VTI1A: variants seen among roughly 807,000 people sequenced by gnomAD.
The protein encoded by VTI1A is vesicle transport through interaction with t-SNAREs 1A.
VTI1A carries 22 observed loss-of-function variants against 34.9 expected under a neutral mutation model. The observed-to-expected ratio is 0.63, with a 90% CI of 0.45 to 0.90. The LOEUF is 0.90. VTI1A is among the 40% of genes least tolerant of loss of function. The pLI, the probability that VTI1A is intolerant of heterozygous loss-of-function variation, is 0.00. For synonymous variants in VTI1A, 87 were observed against 97.3 expected (o/e 0.89, Z 0.62); for missense variants, 268 against 275.6 (o/e 0.97, Z 0.20).
chr10:112,502,775 G>A (rs1007212275), intron 3 of VTI1A, among the ~76,000 whole-genome samples: 2 of 152,208 alleles, frequency 1.3e-5, no homozygotes, highest in African/African-American at 4.8e-5. Flanking sequence ...TTTCAAGAAA[G>A]TGTAAACTCT....
At position 112,815,872 on chromosome 10, in the gene VTI1A, G is replaced by A. The variant is rs558123264; in HGVS notation, c.*489G>A. On this transcript the variant is annotated 3_prime_UTR_variant, in exon 8 of 8. Transcript: ENST00000393077. ...GCAAGCCAGCCCTGTTCCTACACAG[G>A]CCTCATGAATATAGTCATCAACCTG... 9.3e-5 allele frequency: 22 copies of A among 235,320 alleles called. No individual in the cohort carries two copies. The East Asian group carries it at 1.3e-3, about 14-fold the overall frequency. 14.6% of individuals were successfully genotyped at this position (235,320 alleles called of 1,614,324 possible). A position where few individuals can be genotyped will look rare whatever the true frequency, so the allele number is the denominator to read the frequency against.
intron 7 of VTI1A, among the ~76,000 whole-genome samples, chr10:112,732,911 T>A (rs58001341): frequency 0.078 from 11,807 of 152,156 alleles, 1,146 homozygotes; most frequent in African/African-American, 0.23. Flanking sequence ...TCAGCCAGAG[T>A]TGACACAGTA....
At chr10:112,643,730 C>G (rs1846669493) in intron 5 of VTI1A, among the ~76,000 whole-genome samples, 1 of 152,170 alleles carries the variant, frequency 6.6e-6, no homozygotes. Context: ...GACAAAAACT[C>G]TTTGCTTATT....
At chr10:112,481,498 G>A (rs895013537) in intron 3 of VTI1A, among the ~76,000 whole-genome samples, 2 of 152,170 alleles carry the variant, frequency 1.3e-5, no homozygotes, top group African/African-American at 4.8e-5. Flanking sequence ...TTGGAAATAG[G>A]TATATTAACT....
chr10:112,744,708 G>A lies in VTI1A; in HGVS notation c.561-70582G>A, dbSNP rs201439512. ...AATCCTCCCACCTCCGCCTCCCAAA[G>A]TGCTGGGATTACAGGCATGAGCCAA... On this transcript the variant is annotated intron_variant, in intron 7 of 7. Coordinates refer to ENST00000393077, the MANE Select transcript of VTI1A (RefSeq NM_145206.4). Among the ~76,000 whole-genome samples, 5 of 152,128 alleles carry A rather than the reference G, an allele frequency of 3.3e-5. No homozygotes were observed. In the East Asian group the frequency reaches 9.6e-4, roughly 29 times the overall value.
intron 7 of VTI1A, among the ~76,000 whole-genome samples, chr10:112,723,098 T>C (rs1849869391): frequency 6.6e-6 from 1 of 152,174 alleles, no homozygotes; most frequent in African/African-American, 2.4e-5. Context: ...ATAATAATAG[T>C]AGTTACAAAG....
rs954613883 is a variant in VTI1A at position 112,564,925 on chromosome 10, T to C, written c.427+26595T>C. On this transcript the variant is annotated intron_variant, in intron 5 of 7. Coordinates refer to ENST00000393077, the MANE Select transcript of VTI1A (RefSeq NM_145206.4). The stretch of plus-strand genomic sequence containing the variant: ...TTTTAGGAGATGGGCTAGCTTAAAA[T>C]TTCAAATATACATATACTTACATGT... Among the ~76,000 whole-genome samples the C allele has an allele frequency of 3.9e-5, 6 of 152,246 alleles. No individual in the cohort carries two copies. In the South Asian group the frequency reaches 6.2e-4, roughly 16 times the overall value.
chr10:112,515,554 A>G (rs948165663), intron 3 of VTI1A, among the ~76,000 whole-genome samples: 2 of 152,010 alleles, frequency 1.3e-5, no homozygotes, highest in African/African-American at 2.4e-5. Flanking sequence ...GCCAGAATCA[A>G]TTTAGGCCTA....
At chr10:112,559,501 T>C (rs1190619235) in intron 5 of VTI1A, among the ~76,000 whole-genome samples, 1 of 152,088 alleles carries the variant, frequency 6.6e-6, no homozygotes, top group Non-Finnish European at 1.5e-5. Context: ...TTTTGTTCTT[T>C]ACATCTGAAG....
the VTI1A span, among the ~76,000 whole-genome samples, chr10:112,838,051 T>C: frequency 6.6e-6 from 1 of 152,214 alleles, no homozygotes; most frequent in Non-Finnish European, 1.5e-5. Context: ...CATGGCACTA[T>C]TCAGGACCGA....
chr10:112,593,785 G>A (rs1211138339), intron 5 of VTI1A, among the ~76,000 whole-genome samples: 1 of 151,994 alleles, frequency 6.6e-6, no homozygotes, highest in Admixed American at 6.6e-5. Context: ...CACTCAGGCT[G>A]GAGTGCAGCG....
chr10:112,490,611 AT>A (rs10694500), intron 3 of VTI1A, among the ~76,000 whole-genome samples: 2,000 of 143,126 alleles, frequency 0.014, 18 homozygotes, highest in African/African-American at 0.022. Flanking sequence ...AGATGCTACA[AT>A]TTTTTTTTTT....
chr10:112,842,050 C>CTTTTTTTTTTTTTTT, the VTI1A span, among the ~76,000 whole-genome samples: 17 of 93,162 alleles, frequency 1.8e-4, no homozygotes, highest in Non-Finnish European at 2.7e-4. Context: ...TTTTTTTTTT[C>CTTTTTTTTTTTTTTT]CTTTTTTTTT....
the VTI1A span, among the ~76,000 whole-genome samples, chr10:112,840,957 C>T: frequency 1.3e-5 from 2 of 152,218 alleles, no homozygotes; most frequent in East Asian, 1.9e-4. Flanking sequence ...ATGCTTAGCA[C>T]GACACCTGCC....
chr10:112,495,580 C>T (rs1015703275), intron 3 of VTI1A, among the ~76,000 whole-genome samples: 8 of 152,208 alleles, frequency 5.3e-5, no homozygotes, highest in African/African-American at 1.9e-4. Context: ...ATTTGAGATA[C>T]TTCAGATACA....
chr10:112,536,671 T>G (rs920488710), intron 4 of VTI1A, among the ~76,000 whole-genome samples: 3 of 152,088 alleles, frequency 2.0e-5, no homozygotes, highest in Non-Finnish European at 4.4e-5. Flanking sequence ...TATGATAGAC[T>G]GTTGTTGCAG....
At chr10:112,726,772 ATAGACTAGATCCTGATGTGC>A (rs1850044608) in intron 7 of VTI1A, among the ~76,000 whole-genome samples, 1 of 152,172 alleles carries the variant, frequency 6.6e-6, no homozygotes, top group Non-Finnish European at 1.5e-5. Flanking sequence ...ATTTGTTTTC[ATAGACTAGATCCTGATGTGC>A]ACTGGCTTGT....
intron 5 of VTI1A, among the ~76,000 whole-genome samples, chr10:112,555,175 C>T (rs1268904409): frequency 1.3e-5 from 2 of 152,028 alleles, no homozygotes; most frequent in African/African-American, 4.8e-5. Context: ...AGAATTTTCT[C>T]TATATTTAAA....
chr10:112,826,574 C>T, the VTI1A span: 1 of 152,208 alleles, frequency 6.6e-6, no homozygotes, highest in African/African-American at 2.4e-5. Context: ...TCAGTATCTG[C>T]ACCCATCCAT....
Sources: allele counts gnomAD v4.1 joint callset (sites outside exome capture counted in the v4.1 genomes callset), GRCh38; gene constraint gnomAD v4.1.1; transcripts MANE v1.5; gene names NCBI Gene and HGNC (gene_info 2026-07-23, HGNC 2026-07-21).